Variants in RIMS1 observed in about 807,000 individuals in gnomAD.
The protein encoded by RIMS1 is regulating synaptic membrane exocytosis protein 1.
A neutral mutation model predicts 214.1 loss-of-function variants in RIMS1; 83 were observed. That is an observed-to-expected ratio of 0.39 (90% CI 0.32 to 0.47). The LOEUF is 0.47. Among genes scored for constraint, RIMS1 ranks in the 20% least tolerant of loss-of-function variants. RIMS1 has a pLI of 0.99. For synonymous variants in RIMS1, 793 were observed against 786.8 expected (o/e 1.01, Z -0.13); for missense variants, 2,050 against 2,161.8 (o/e 0.95, Z 1.03).
chr6:71,889,114 C>A (rs1768771115), intron 1 of RIMS1, among the ~76,000 whole-genome samples: 1 of 152,118 alleles, frequency 6.6e-6, no homozygotes, highest in South Asian at 2.1e-4. Flanking sequence ...TGGATGGAGG[C>A]CTCCAGTAGC....
chr6:71,998,251 A>C (rs890993450), intron 2 of RIMS1, among the ~76,000 whole-genome samples: 1 of 151,952 alleles, frequency 6.6e-6, no homozygotes, highest in Admixed American at 6.6e-5. Context: ...TCAGTGGTCG[A>C]CTCACTTATT....
chr6:72,324,421 A>C (rs2096351171), intron 28 of RIMS1, among the ~76,000 whole-genome samples: 1 of 151,936 alleles, frequency 6.6e-6, no homozygotes, highest in Admixed American at 6.6e-5. Context: ...CTAATAGCAT[A>C]ATAGAAGAAT....
At chr6:71,992,404 C>CTTTCTTTCTTTCTTTCTTTCTTTCTT (rs200339642) in intron 2 of RIMS1, among the ~76,000 whole-genome samples, 63 of 110,162 alleles carry the variant, frequency 5.7e-4, no homozygotes, top group South Asian at 5.8e-4. Context: ...TTCTCTCTCT[C>CTTTCTTTCTTTCTTTCTTTCTTTCTT]TCTTTCTTTC....
At chr6:71,929,677 C>T (rs767698012) in intron 1 of RIMS1, among the ~76,000 whole-genome samples, 19 of 151,946 alleles carry the variant, frequency 1.3e-4, no homozygotes, top group African/African-American at 4.6e-4. Flanking sequence ...TGGGTCAGTT[C>T]AGCACTAGAG....
intron 2 of RIMS1, among the ~76,000 whole-genome samples, chr6:72,075,389 T>C (rs950225617): frequency 1.3e-5 from 2 of 152,148 alleles, no homozygotes; most frequent in Non-Finnish European, 2.9e-5. Flanking sequence ...ATCACAAGCA[T>C]GAGCCACTGT....
intron 4 of RIMS1, among the ~76,000 whole-genome samples, chr6:72,119,811 A>G (rs2037855976): frequency 6.6e-6 from 1 of 151,290 alleles, no homozygotes; most frequent in African/African-American, 2.4e-5. Context: ...CACTCCCCCA[A>G]CCCCACAACA....
In RIMS1 at chr6:72,036,324, A is replaced by G. The variant is rs563374871; in HGVS notation, c.246-60625A>G. Among the ~76,000 whole-genome samples, 10 of 152,360 alleles carry G rather than the reference A, an allele frequency of 6.6e-5. No homozygotes were observed. In the East Asian group the frequency reaches 1.9e-3, roughly 29 times the overall value. The stretch of plus-strand genomic sequence containing the variant: ...GAAAGGCAAGACTCTCCTGGTTTGC[A>G]GTAATGTCGGGAATATCTACTCTGG... On this transcript the variant is annotated intron_variant, in intron 2 of 33. Transcript: ENST00000521978.
At chr6:72,176,193 G>C (rs1209608912) in intron 4 of RIMS1, among the ~76,000 whole-genome samples, 1 of 152,010 alleles carries the variant, frequency 6.6e-6, no homozygotes, top group Non-Finnish European at 1.5e-5. Context: ...ATTTAATCAG[G>C]GTATAATCCT....
rs188417319 is a variant in RIMS1 at position 72,026,353 on chromosome 6, T to A, written c.245+57290T>A. On this transcript the variant is annotated intron_variant, in intron 2 of 33. Coordinates refer to ENST00000521978, the MANE Select transcript of RIMS1 (RefSeq NM_014989.7). ...ATATCTAAATTCCCTTTTACAAAAC[T>A]TTGGTGATTCTTTATTGTCAATTGA... Among the ~76,000 whole-genome samples, 208 of 152,212 alleles carry A rather than the reference T, an allele frequency of 1.4e-3. 1 individual carries two copies. Among genetic ancestry groups the A allele is most frequent in the African/African-American group, 4.6e-3 (193 of 41,548 alleles).
intron 9 of RIMS1, among the ~76,000 whole-genome samples, chr6:72,240,374 T>C (rs1178351537): frequency 6.6e-6 from 1 of 152,000 alleles, no homozygotes; most frequent in Non-Finnish European, 1.5e-5. Flanking sequence ...TTTAATCGTT[T>C]GCATCTACCA....
intron 26 of RIMS1, among the ~76,000 whole-genome samples, chr6:72,300,554 A>C (rs1008700110): frequency 6.6e-6 from 1 of 151,914 alleles, no homozygotes; most frequent in Admixed American, 6.6e-5. Flanking sequence ...TTCCTCAGTG[A>C]TTGGTTTTGT....
At chr6:72,265,908 T>C in intron 21 of RIMS1, 52 bp from the exon 22 acceptor site, 1 of 1,305,246 alleles carries the variant, frequency 7.7e-7, no homozygotes, top group Non-Finnish European at 1.1e-6. Context: ...CTTCCTTTCT[T>C]TGTTTTCTCT....
intron 28 of RIMS1, among the ~76,000 whole-genome samples, chr6:72,327,383 G>A (rs2096513252): frequency 6.6e-6 from 1 of 151,650 alleles, no homozygotes; most frequent in South Asian, 2.1e-4. Flanking sequence ...TTCATTGTAT[G>A]GATTTAACAC....
chr6:71,926,503 C>A (rs1199774373), intron 1 of RIMS1, among the ~76,000 whole-genome samples: 1 of 152,114 alleles, frequency 6.6e-6, no homozygotes, highest in African/African-American at 2.4e-5. Context: ...GCTATAAAGT[C>A]ATCTATATAA....
At chr6:72,361,051 G>A (rs191083701) in intron 29 of RIMS1, among the ~76,000 whole-genome samples, 13 of 137,930 alleles carry the variant, frequency 9.4e-5, no homozygotes, top group Admixed American at 9.4e-4. Flanking sequence ...CTTTTGTAAA[G>A]TGATAACTTT....
At chr6:72,346,343 C>T (rs1010126410) in intron 29 of RIMS1, among the ~76,000 whole-genome samples, 11 of 151,764 alleles carry the variant, frequency 7.2e-5, no homozygotes, top group Non-Finnish European at 1.5e-4. Context: ...TAATAGAATA[C>T]AAGAATAGAA....
At chr6:72,004,034 A>C (rs1158533694) in intron 2 of RIMS1, among the ~76,000 whole-genome samples, 1 of 89,822 alleles carries the variant, frequency 1.1e-5, no homozygotes, top group Admixed American at 1.7e-4. Context: ...CCCACCCCAA[A>C]ACAGTCCCCA....
chr6:71,959,324 T>G (rs1792214800), intron 1 of RIMS1, among the ~76,000 whole-genome samples: 1 of 152,140 alleles, frequency 6.6e-6, no homozygotes, highest in Admixed American at 6.6e-5. Flanking sequence ...CATTTTATTT[T>G]AGCTATTTAA....
chr6:72,067,784 C>T lies in RIMS1; in HGVS notation c.246-29165C>T, dbSNP rs534438732. 9.7e-4 allele frequency among the ~76,000 whole-genome samples: 148 copies of T among 152,306 alleles called. 1 individual carries two copies. The highest frequency in any genetic ancestry group is 3.3e-3 in the African/African-American group (137 of 41,560). ...CTTAACATATATTGCCTGGAGCATA[C>T]TGAGTACTATACTCTTTTCCAATGA... is the stretch of plus-strand genomic sequence containing the variant. On this transcript the variant is annotated intron_variant, in intron 2 of 33. Transcript: ENST00000521978.
Sources: gnomAD v4.1 joint callset for allele counts (sites outside exome capture counted in the v4.1 genomes callset) on GRCh38, gnomAD v4.1.1 for gene constraint, MANE v1.5 for transcripts, NCBI Gene and HGNC (gene_info 2026-07-23, HGNC 2026-07-21) for gene names.